The following LYPD6 variants were observed in gnomAD, a reference collection of about 807,000 sequenced individuals.
LYPD6 encodes ly6/PLAUR domain-containing protein 6.
LYPD6 carries 15 observed loss-of-function variants against 22.7 expected under a neutral mutation model. That is an observed-to-expected ratio of 0.66 (90% CI 0.44 to 1.02). The LOEUF (loss-of-function observed/expected upper bound fraction) is 1.02, where lower values mean the gene tolerates loss of function less well. Ranked by LOEUF, LYPD6 falls within the 50% of genes least tolerant of loss-of-function variation. The pLI is 0.00. For synonymous variants in LYPD6, 72 were observed against 77.5 expected, an observed-to-expected ratio of 0.93 and a Z score of 0.37; for missense variants, 189 against 208.4, an observed-to-expected ratio of 0.91 and a Z score of 0.57.
chr2:149,381,050 T>C (rs1682050711), intron 1 of LYPD6, among the ~76,000 whole-genome samples: 2 of 152,126 alleles, frequency 1.3e-5, no homozygotes, highest in Non-Finnish European at 2.9e-5. Context: ...GTGGACATCA[T>C]TGGTGGCCTT....
intron 1 of LYPD6, among the ~76,000 whole-genome samples, chr2:149,429,299 T>A (rs1339952849): frequency 6.6e-6 from 1 of 152,200 alleles, no homozygotes; most frequent in Non-Finnish European, 1.5e-5. Flanking sequence ...CCTTTGGAAC[T>A]GCTGGTGGCT....
intron 3 of LYPD6, among the ~76,000 whole-genome samples, chr2:149,457,674 A>G (rs1680992964): frequency 6.6e-6 from 1 of 152,204 alleles, no homozygotes; most frequent in African/African-American, 2.4e-5. Context: ...CCAAAACAAA[A>G]TTATCTAGCC....
At chr2:149,339,604 C>G (rs1261112031) in intron 1 of LYPD6, among the ~76,000 whole-genome samples, 1 of 152,126 alleles carries the variant, frequency 6.6e-6, no homozygotes, top group Non-Finnish European at 1.5e-5. Context: ...TTCTCATGCA[C>G]AGTTACAAGT....
chr2:149,397,541 G>A (rs1351810119), intron 1 of LYPD6, among the ~76,000 whole-genome samples: 2 of 152,124 alleles, frequency 1.3e-5, no homozygotes, highest in Admixed American at 1.3e-4. Context: ...AGGGAGGGAA[G>A]GAATTAATGA....
chr2:149,434,543 C>T (rs186104473), intron 1 of LYPD6, among the ~76,000 whole-genome samples: 12 of 152,254 alleles, frequency 7.9e-5, no homozygotes, highest in African/African-American at 2.9e-4. Context: ...TTTTCTATAG[C>T]ATGGATCTGG....
chr2:149,359,119 G>A (rs1469837569), intron 1 of LYPD6, among the ~76,000 whole-genome samples: 2 of 152,106 alleles, frequency 1.3e-5, no homozygotes, highest in Middle Eastern at 3.2e-3. Context: ...TATTTTAAAG[G>A]AGTGTTTGGG....
chr2:149,375,092 T>C (rs1681888045), intron 1 of LYPD6, among the ~76,000 whole-genome samples: 1 of 152,170 alleles, frequency 6.6e-6, no homozygotes, highest in Non-Finnish European at 1.5e-5. Context: ...TTCACAGACC[T>C]CAGGGTTTGT....
intron 1 of LYPD6, among the ~76,000 whole-genome samples, chr2:149,390,325 AGT>A (rs1682280600): frequency 6.6e-6 from 1 of 152,206 alleles, no homozygotes; most frequent in Non-Finnish European, 1.5e-5. Flanking sequence ...TGGGAAGGAC[AGT>A]GGCCCTTGTC....
At chr2:149,340,961 C>A (rs1342214464) in intron 1 of LYPD6, among the ~76,000 whole-genome samples, 1 of 151,628 alleles carries the variant, frequency 6.6e-6, no homozygotes, top group Non-Finnish European at 1.5e-5. Context: ...AGAAAATTTT[C>A]AATCTTGGAG....
At chr2:149,340,676 A>T (rs940899098) in intron 1 of LYPD6, among the ~76,000 whole-genome samples, 1 of 152,200 alleles carries the variant, frequency 6.6e-6, no homozygotes, top group African/African-American at 2.4e-5. Flanking sequence ...GCTTTACTAA[A>T]TTCCCAGATG....
chr2:149,333,514 A>G (rs1415065411), intron 1 of LYPD6, among the ~76,000 whole-genome samples: 1 of 152,234 alleles, frequency 6.6e-6, no homozygotes, highest in Non-Finnish European at 1.5e-5. Context: ...TCAAAAAATG[A>G]TAGAACTTCT....
At chr2:149,409,423 A>C (rs1682804338) in intron 1 of LYPD6, among the ~76,000 whole-genome samples, 1 of 152,182 alleles carries the variant, frequency 6.6e-6, no homozygotes, top group African/African-American at 2.4e-5. Context: ...CATCAGCTGC[A>C]GTCCTATAGG....
intron 1 of LYPD6, among the ~76,000 whole-genome samples, chr2:149,336,879 T>C (rs1681044032): frequency 1.3e-5 from 2 of 151,750 alleles, no homozygotes; most frequent in Non-Finnish European, 2.9e-5. Flanking sequence ...TTTTTGCCTT[T>C]TTCTCCCCTC....
At chr2:149,433,141 G>A (rs767186707) in intron 1 of LYPD6, among the ~76,000 whole-genome samples, 3 of 151,982 alleles carry the variant, frequency 2.0e-5, no homozygotes, top group Non-Finnish European at 4.4e-5. Context: ...AATGTATTGT[G>A]AGAATTAAAA....
chr2:149,352,620 A>G (rs560343048), intron 1 of LYPD6, among the ~76,000 whole-genome samples: 8 of 152,258 alleles, frequency 5.3e-5, no homozygotes, highest in African/African-American at 1.7e-4. Flanking sequence ...TCCTTTTGTA[A>G]ATGAAGTTTT....
chr2:149,468,582 A>G, intron 3 of LYPD6, 63 bp from the exon 4 acceptor site: 1 of 1,562,292 alleles, frequency 6.4e-7, no homozygotes, highest in South Asian at 1.2e-5. Context: ...CACTCCTGTT[A>G]TTTTCCTTTT....
chr2:149,432,017 C>T (rs1166047967), intron 1 of LYPD6, among the ~76,000 whole-genome samples: 1 of 152,132 alleles, frequency 6.6e-6, no homozygotes. Flanking sequence ...TGTTCAACAT[C>T]ACTGATTGCT....
At chr2:149,481,642 C>G in the LYPD6 span, among the ~76,000 whole-genome samples, 18 of 152,192 alleles carry the variant, frequency 1.2e-4, no homozygotes, top group African/African-American at 4.1e-4. Flanking sequence ...ATACTATCAA[C>G]AAAAATGATT....
At chr2:149,428,685 C>T (rs1282746151) in intron 1 of LYPD6, among the ~76,000 whole-genome samples, 1 of 152,176 alleles carries the variant, frequency 6.6e-6, no homozygotes, top group East Asian at 1.9e-4. Context: ...TGAAACTCTT[C>T]AATAGTTACA....
Sources: allele counts gnomAD v4.1 joint callset (sites outside exome capture counted in the v4.1 genomes callset), GRCh38; gene constraint gnomAD v4.1.1; transcripts MANE v1.5; gene names NCBI Gene and HGNC (gene_info 2026-07-23, HGNC 2026-07-21).